The following SLC6A14 variants were observed in gnomAD, a reference collection of about 807,000 sequenced individuals.
SLC6A14 encodes the protein solute carrier family 6 member 14.
SLC6A14 carries 21 observed loss-of-function variants against 51.4 expected under a neutral mutation model. The observed-to-expected ratio is 0.41, with a 90% confidence interval of 0.29 to 0.59. The LOEUF is 0.59. SLC6A14 is among the 20% of genes least tolerant of loss of function. The pLI, the probability that SLC6A14 is intolerant of heterozygous loss-of-function variation, is 0.31. For synonymous variants in SLC6A14, 177 were observed against 160.7 expected (o/e 1.10, Z -0.77); for missense variants, 371 against 472.8 (o/e 0.78, Z 2.00).
At chrX:116,445,076 C>T (rs782642771) in intron 6 of SLC6A14, 26 bp downstream of exon 6, 12 of 1,143,886 alleles carry the variant, frequency 1.0e-5, no homozygotes, top group East Asian at 3.1e-5. Flanking sequence ...CATTAGATAG[C>T]GATATAGCAG....
At chrX:116,452,872 G>A (rs1602514611) in intron 8 of SLC6A14, 145 bp from the exon 9 acceptor site, 1 of 394,286 alleles carries the variant, frequency 2.5e-6, no homozygotes, top group East Asian at 4.5e-5. Context: ...TTGTAAAAAG[G>A]GAATGTGAAA....
chrX:116,440,619 T>G (rs1310057956), intron 2 of SLC6A14, among the ~76,000 whole-genome samples: 1 of 111,753 alleles, frequency 8.9e-6, no homozygotes, highest in African/African-American at 3.3e-5. Context: ...GGCAAATTGC[T>G]GGAGGTCACA....
chrX:116,457,563 TA>T (rs782408763), intron 12 of SLC6A14, 45 bp from the exon 13 acceptor site: 5 of 1,098,894 alleles, frequency 4.6e-6, no homozygotes, highest in Non-Finnish European at 6.2e-6. Flanking sequence ...ATCAGTGCAA[TA>T]AAGTCTAATC....
At chrX:116,456,074 A>G (rs781878402) in intron 12 of SLC6A14, among the ~76,000 whole-genome samples, 1 of 111,556 alleles carries the variant, frequency 9.0e-6, no homozygotes, top group South Asian at 3.7e-4. Context: ...CTCGAGAGAC[A>G]TAACTTATCA....
At position 116,443,807 on chromosome X, in the gene SLC6A14, A is replaced by G. The variant is rs1217679249; in HGVS notation, c.656+17A>G. 1.8e-6 allele frequency: 2 copies of G among 1,138,851 alleles called. No homozygotes were observed. Among genetic ancestry groups the G allele is most frequent in the South Asian group, 4.2e-5 (2 of 47,349 alleles). The allele number at this position is 1,138,851 out of a possible 1,213,427, so 93.9% of individuals were successfully genotyped here. On this transcript the variant is annotated intron_variant, in intron 5 of 13. Transcript: ENST00000598581. Reference sequence around the variant, plus strand: ...ATATTGGAAGTAAGTATACTAGATGATTTACTTTTAAGTAGATGTTATCTT... The same window carrying G: ...ATATTGGAAGTAAGTATACTAGATGGTTTACTTTTAAGTAGATGTTATCTT...
chrX:116,452,448 A>G (rs147354416), intron 8 of SLC6A14, among the ~76,000 whole-genome samples: 116 of 111,939 alleles, frequency 1.0e-3, no homozygotes, highest in African/African-American at 3.7e-3. Flanking sequence ...TGAGGATCAC[A>G]TAATAGAACT....
intron 10 of SLC6A14, 48 bp from the exon 11 acceptor site, chrX:116,454,929 T>A (rs782051016): frequency 1.9e-5 from 17 of 905,318 alleles, no homozygotes; most frequent in Non-Finnish European, 3.2e-6. Flanking sequence ...CCATCAATCA[T>A]AAAAACAATT....
At chrX:116,449,517 C>T (rs1404238533) in intron 7 of SLC6A14, among the ~76,000 whole-genome samples, 1 of 111,683 alleles carries the variant, frequency 9.0e-6, no homozygotes, top group East Asian at 2.8e-4. Flanking sequence ...ATTTCTAACA[C>T]AATTTTCTAA....
Position 116,454,961 on chromosome X carries a change from A to T in SLC6A14, c.1405-16A>T. 1 of 1,126,434 alleles carries T rather than the reference A, an allele frequency of 8.9e-7. No individual in the cohort carries two copies. Among genetic ancestry groups the T allele is most frequent in the Non-Finnish European group, 1.2e-6 (1 of 826,771 alleles). The allele number at this position is 1,126,434 out of a possible 1,213,427, so 92.8% of individuals were successfully genotyped here. A position where few individuals can be genotyped will look rare whatever the true frequency, so the allele number is the denominator to read the frequency against. ...AATTAAAATATACTTAGAAGTAATT[A>T]ACATTTTTTTGGTAGGCTGGAATTT... On this transcript the variant is annotated splice_polypyrimidine_tract_variant and intron_variant, in intron 10 of 13. Coordinates refer to ENST00000598581, the MANE Select transcript of SLC6A14 (RefSeq NM_007231.5).
chrX:116,437,430 T>G (rs1927503681), intron 1 of SLC6A14, among the ~76,000 whole-genome samples: 1 of 111,851 alleles, frequency 8.9e-6, no homozygotes, highest in South Asian at 3.7e-4. Context: ...TTGTCTACTT[T>G]CATTTTTCCC....
At chrX:116,458,782 C>A in intron 13 of SLC6A14, 27 bp from the exon 14 acceptor site, 3 of 1,150,496 alleles carry the variant, frequency 2.6e-6, no homozygotes, top group South Asian at 2.2e-5. Flanking sequence ...AATTCTAAGA[C>A]AATGATTTTT....
In SLC6A14 at chrX:116,440,327, C is replaced by G. The variant is rs542310045; in HGVS notation, c.215-639C>G. 8.9e-5 allele frequency among the ~76,000 whole-genome samples: 10 copies of G among 112,389 alleles called. No individual in the cohort carries two copies. In the South Asian group the frequency reaches 3.6e-3, roughly 40 times the overall value. Reference sequence around the variant, plus strand: ...TCAGAGTCTTCAAACAAAACCAATACATTTTGTATTAACATTGAGTGAAGA... The same window carrying G: ...TCAGAGTCTTCAAACAAAACCAATAGATTTTGTATTAACATTGAGTGAAGA... On this transcript the variant is annotated intron_variant, in intron 2 of 13. Coordinates refer to ENST00000598581, the MANE Select transcript of SLC6A14 (RefSeq NM_007231.5).
chrX:116,460,223 C>G lies in SLC6A14; in HGVS notation c.*1268C>G, dbSNP rs981262982. ...CATGCATTTTTCTAGGGAGAGAGTC[C>G]GTAGGTTTATCAGAATATCAAGGAA... On this transcript the variant is annotated 3_prime_UTR_variant, in exon 14 of 14. Coordinates refer to ENST00000598581, the MANE Select transcript of SLC6A14 (RefSeq NM_007231.5). 1 of 111,055 alleles carries G rather than the reference C, an allele frequency of 9.0e-6. No homozygotes were observed. Among genetic ancestry groups the G allele is most frequent in the South Asian group, 3.8e-4 (1 of 2,655 alleles). 9.2% of individuals were successfully genotyped at this position (111,055 alleles called of 1,213,427 possible). A position where few individuals can be genotyped will look rare whatever the true frequency, so the allele number is the denominator to read the frequency against.
At chrX:116,454,574 T>C (rs1465097733) in intron 10 of SLC6A14, 132 bp downstream of exon 10, 1 of 444,475 alleles carries the variant, frequency 2.2e-6, no homozygotes, top group East Asian at 3.6e-5. Flanking sequence ...GTTTTCTGGG[T>C]TTTAGCCCAT....
At chrX:116,455,145 A>C (rs1556694686) in intron 11 of SLC6A14, 69 bp downstream of exon 11, 2 of 786,582 alleles carry the variant, frequency 2.5e-6, no homozygotes, top group African/African-American at 4.2e-5. Flanking sequence ...TTTTCATTAT[A>C]TTTACCTAAT....
chrX:116,446,948 T>G, intron 7 of SLC6A14, 67 bp downstream of exon 7: 1 of 962,429 alleles, frequency 1.0e-6, no homozygotes, highest in Non-Finnish European at 1.5e-6. Context: ...CCAAACATCT[T>G]TGGTTCCATA....
In SLC6A14 at chrX:116,436,628, C is replaced by T. The variant is rs1405680251; in HGVS notation, c.-82C>T. ...GGTGGCTCACTCTGGCAGGTAGGAA[C>T]AGGGGAGAGTGCACCTGCTACCAGT... is the stretch of plus-strand genomic sequence containing the variant. On this transcript the variant is annotated 5_prime_UTR_variant, in exon 1 of 14. Transcript: ENST00000598581. The T allele has an allele frequency of 1.9e-6, 2 of 1,029,916 alleles. No individual in the cohort carries two copies. Among genetic ancestry groups the T allele is most frequent in the African/African-American group, 3.8e-5 (2 of 52,946 alleles). The allele number at this position is 1,029,916 out of a possible 1,213,427, so 84.9% of individuals were successfully genotyped here.
intron 8 of SLC6A14, among the ~76,000 whole-genome samples, chrX:116,452,743 T>A (rs1314503905): frequency 8.9e-5 from 10 of 111,884 alleles, no homozygotes; most frequent in Non-Finnish European, 9.4e-5. Context: ...TAAATAAAAC[T>A]ATTAAAAGAA....
In SLC6A14 at chrX:116,443,670, A is replaced by G; in HGVS notation, c.536A>G (p.Asn179Ser). 3.3e-6 allele frequency: 4 copies of G among 1,194,989 alleles called. No individual in the cohort carries two copies. The highest frequency in any genetic ancestry group is 4.5e-6 in the Non-Finnish European group (4 of 882,854). The change falls in exon 5 of 14, where the codon AAT becomes AGT. Residue 179 changes from asparagine to serine, a missense_variant. Coordinates refer to ENST00000598581, the MANE Select transcript of SLC6A14 (RefSeq NM_007231.5). ...IVTHCNVSTV[N>S]KGIQEIIQMN... ...ACTCACTGTAATGTGAGTACAGTGA[A>G]TAAAGGAATACAAGAGATCATCCAA...
Sources: gnomAD v4.1 joint callset for allele counts (sites outside exome capture counted in the v4.1 genomes callset) on GRCh38, gnomAD v4.1.1 for gene constraint, MANE v1.5 for transcripts, NCBI Gene and HGNC (gene_info 2026-07-23, HGNC 2026-07-21) for gene names.